Variants in SCN10A observed in about 807,000 individuals in gnomAD.
SCN10A encodes sodium channel protein type 10 subunit alpha.
In SCN10A, 162 loss-of-function variants were observed where a neutral mutation model predicts 170.7. The observed-to-expected ratio is 0.95, with a 90% CI of 0.84 to 1.08. The LOEUF (loss-of-function observed/expected upper bound fraction) is 1.08, where lower values mean the gene tolerates loss of function less well. Among genes scored for constraint, SCN10A ranks in the 50% least tolerant of loss-of-function variants. The probability of loss-of-function intolerance (pLI) is 0.00; values close to 1 mark genes in which losing one functional copy is unlikely to be tolerated. For missense variants in SCN10A, 2,527 were observed against 2,436.9 expected, an observed-to-expected ratio of 1.04 and a Z score of -0.78; for synonymous variants, 985 against 904.6, an observed-to-expected ratio of 1.09 and a Z score of -1.59.
At chr3:38,800,969 G>C (rs1020743921) in intron 1 of SCN10A, among the ~76,000 whole-genome samples, 7 of 152,136 alleles carry the variant, frequency 4.6e-5, no homozygotes, top group Non-Finnish European at 1.0e-4. Flanking sequence ...CATTTCGATA[G>C]TGATGGAAAT....
chr3:38,802,922 G>T (rs2064381487), intron 1 of SCN10A, among the ~76,000 whole-genome samples: 1 of 152,086 alleles, frequency 6.6e-6, no homozygotes, highest in African/African-American at 2.4e-5. Flanking sequence ...CTAATATCCA[G>T]AATCTACAAA....
In SCN10A at chr3:38,707,331, G is replaced by A. The variant is rs1378337722; in HGVS notation, c.4334C>T (p.Ala1445Val). ...CTTCTTGGAGCCCAACTTCTTCATG[G>A]CATTGTAGTATTTCTTCTGCTCCTC... Reference protein sequence around the residue: ...MTEEQKKYYNAMKKLGSKKPQ... With the variant: ...MTEEQKKYYNVMKKLGSKKPQ... The change falls in exon 26 of 28, where the codon GCC becomes GTC. Residue 1445 changes from alanine (A) to valine (V), a missense_variant. Transcript: ENST00000449082. 1.2e-6 allele frequency: 2 copies of A among 1,614,124 alleles called. No homozygotes were observed. The highest frequency in any genetic ancestry group is 1.1e-5 in the South Asian group (1 of 91,074).
In SCN10A at chr3:38,785,578, G is replaced by T. The variant is rs189475537; in HGVS notation, c.470+3378C>A. Among the ~76,000 whole-genome samples the T allele has an allele frequency of 5.3e-4, 80 of 152,090 alleles. 1 individual carries two copies. The highest frequency in any genetic ancestry group is 1.9e-3 in the African/African-American group (77 of 41,524). On this transcript the variant is annotated intron_variant, in intron 4 of 27. Transcript: ENST00000449082. ...CTTCAGGACATAGGCATGGGCAAAGGCTTTATGACTAACACATCAAAAGCA... is the reference window on the plus strand; with the variant it reads ...CTTCAGGACATAGGCATGGGCAAAGTCTTTATGACTAACACATCAAAAGCA...
rs550518697 is a variant in SCN10A at position 38,739,788 on chromosome 3, T to C, written c.2107-100A>G. ...AATGTCTTATTTACAAAATAGAAAA[T>C]CCTTTTGTTTTGTTCAGTTGCTATG... On this transcript the variant is annotated intron_variant, in intron 14 of 27. Coordinates refer to ENST00000449082, the MANE Select transcript of SCN10A (RefSeq NM_006514.4). The C allele has an allele frequency of 5.1e-5, 52 of 1,019,822 alleles. No individual in the cohort carries two copies. In the South Asian group the frequency reaches 8.3e-4, roughly 16 times the overall value. The allele number at this position is 1,019,822 out of a possible 1,614,324, so 63.2% of individuals were successfully genotyped here.
intron 25 of SCN10A, 91 bp downstream of exon 25, chr3:38,709,387 G>T: frequency 7.4e-7 from 1 of 1,354,092 alleles, no homozygotes; most frequent in Non-Finnish European, 1.0e-6. Flanking sequence ...AGTAGTGTTG[G>T]CTTTTGTCAG....
chr3:38,713,275 G>A (rs2063295630), intron 22 of SCN10A, among the ~76,000 whole-genome samples: 1 of 152,152 alleles, frequency 6.6e-6, no homozygotes, highest in African/African-American at 2.4e-5. Context: ...CATTCCAGTG[G>A]GTGGCAGCTG....
At chr3:38,757,183 A>T (rs2063818612) in intron 8 of SCN10A, 24 bp from the exon 9 acceptor site, 1 of 1,570,526 alleles carries the variant, frequency 6.4e-7, no homozygotes, top group East Asian at 2.2e-5. Flanking sequence ...AGAGAAGGTC[A>T]TCCCCTGCTT....
chr3:38,726,465 C>T (rs367769201), intron 17 of SCN10A, 141 bp downstream of exon 17: 118 of 638,780 alleles, frequency 1.8e-4, no homozygotes, highest in Middle Eastern at 1.8e-3. Flanking sequence ...CCTGCTCAAA[C>T]GCCAACTCCT....
In SCN10A at chr3:38,753,398, C is replaced by T. The variant is rs567026450; in HGVS notation, c.1462-886G>A. On this transcript the variant is annotated intron_variant, in intron 11 of 27. Coordinates refer to ENST00000449082, the MANE Select transcript of SCN10A (RefSeq NM_006514.4). ...ACTTCATACCAAACTCTGATCATAC[C>T]GATTTATTCCACTCACCTTCCTTAA... Among the ~76,000 whole-genome samples the T allele has an allele frequency of 4.6e-5, 7 of 152,224 alleles. No homozygotes were observed. In the East Asian group the frequency reaches 1.2e-3, roughly 25 times the overall value.
At chr3:38,749,994 G>A in intron 13 of SCN10A, 79 bp downstream of exon 13, 2 of 776,876 alleles carry the variant, frequency 2.6e-6, no homozygotes, top group Non-Finnish European at 4.5e-6. Context: ...TTTGACACGA[G>A]TTAGAGACAT....
At chr3:38,711,979 T>C (rs993535048) in intron 23 of SCN10A, among the ~76,000 whole-genome samples, 182 bp downstream of exon 23, 3 of 152,236 alleles carry the variant, frequency 2.0e-5, no homozygotes, top group African/African-American at 4.8e-5. Flanking sequence ...CACTGTGATA[T>C]CATATTCACT....
intron 7 of SCN10A, 36 bp downstream of exon 7, chr3:38,761,156 C>A (rs376148432): frequency 2.7e-6 from 4 of 1,477,942 alleles, no homozygotes; most frequent in Non-Finnish European, 3.7e-6. Flanking sequence ...AAGGGTCCAA[C>A]CAGACCTTGG....
At chr3:38,727,146 C>A (rs543834085) in intron 16 of SCN10A, 94 bp from the exon 17 acceptor site, 14 of 1,175,376 alleles carry the variant, frequency 1.2e-5, no homozygotes, top group Non-Finnish European at 1.7e-5. Flanking sequence ...AAGACAGCCA[C>A]GGCCTGGGCC....
intron 6 of SCN10A, 49 bp downstream of exon 6, chr3:38,763,456 G>T: frequency 7.3e-7 from 1 of 1,376,316 alleles, no homozygotes; most frequent in South Asian, 1.2e-5. Flanking sequence ...AATTAGAGAA[G>T]GGAGTTAGGC....
intron 4 of SCN10A, 99 bp downstream of exon 4, chr3:38,788,857 A>C: frequency 1.3e-6 from 1 of 743,576 alleles, no homozygotes; most frequent in South Asian, 1.5e-5. Context: ...CATTACCCAC[A>C]TGAGGCATGG....
chr3:38,764,027 G>T (rs939654919), intron 5 of SCN10A, among the ~76,000 whole-genome samples: 4 of 152,196 alleles, frequency 2.6e-5, no homozygotes, highest in African/African-American at 9.7e-5. Context: ...AACCCCCGAA[G>T]CGGTACTCTG....
chr3:38,814,356 T>A (rs1487539146), intron 1 of SCN10A, among the ~76,000 whole-genome samples: 2 of 152,078 alleles, frequency 1.3e-5, no homozygotes, highest in Admixed American at 6.6e-5. Flanking sequence ...ATAGGGCTGG[T>A]CTGTATTCTG....
chr3:38,699,895 G>A (rs1015284573), intron 27 of SCN10A, among the ~76,000 whole-genome samples: 1 of 152,092 alleles, frequency 6.6e-6, no homozygotes, highest in Non-Finnish European at 1.5e-5. Context: ...TGATATGTGG[G>A]TTTTTTCTGC....
chr3:38,761,845 A>T lies in SCN10A; in HGVS notation c.692-462T>A, dbSNP rs961548680. 9.6e-3 allele frequency among the ~76,000 whole-genome samples: 1,289 copies of T among 134,670 alleles called. 13 individuals carry two copies. The highest frequency in any genetic ancestry group is 0.028 in the African/African-American group (1,076 of 38,724). 88.3% of individuals were successfully genotyped at this position (134,670 alleles called of 152,430 possible). A position where few individuals can be genotyped will look rare whatever the true frequency, so the allele number is the denominator to read the frequency against. ...GTGTGTGTGTGTGTGTGTGAGAGAG[A>T]GAGAGAGAGAGAGAGAGAGAAAGAG... On this transcript the variant is annotated intron_variant, in intron 6 of 27. Coordinates refer to ENST00000449082, the MANE Select transcript of SCN10A (RefSeq NM_006514.4).
Sources: gnomAD v4.1 joint callset for allele counts (sites outside exome capture counted in the v4.1 genomes callset) on GRCh38, gnomAD v4.1.1 for gene constraint, MANE v1.5 for transcripts, NCBI Gene and HGNC (gene_info 2026-07-23, HGNC 2026-07-21) for gene names.